The following MSRB3 variants were observed in gnomAD, a reference collection of about 807,000 sequenced individuals.
MSRB3 encodes the protein methionine sulfoxide reductase B3, also known as methionine-R-sulfoxide reductase B3.
MSRB3 carries 13 observed loss-of-function variants against 21.0 expected under a neutral mutation model. The ratio of observed to expected loss-of-function variants is 0.62; its 90% CI spans 0.40 to 0.98. The LOEUF is 0.98. MSRB3 is among the 50% of genes least tolerant of loss of function. MSRB3 has a pLI of 0.00. For missense variants in MSRB3, 199 were observed against 230.3 expected (o/e 0.86, Z 0.88); for synonymous variants, 87 against 88.6 (o/e 0.98, Z 0.10).
At chr12:65,361,493 T>C (rs1242053279) in intron 4 of MSRB3, among the ~76,000 whole-genome samples, 1 of 152,126 alleles carries the variant, frequency 6.6e-6, no homozygotes, top group East Asian at 1.9e-4. Context: ...TCCTCAGAGG[T>C]CAATTTGTGG....
rs1353093774 is a variant in MSRB3, at chr12:65,453,801, C to G, written c.366C>G (p.His122Gln). 5 of 1,613,906 alleles carry G rather than the reference C, an allele frequency of 3.1e-6. No individual in the cohort carries two copies. The highest frequency in any genetic ancestry group is 1.7e-5 in the Admixed American group (1 of 59,988). The change falls in exon 6 of 7, where the codon CAC becomes CAG. Residue 122 changes from histidine to glutamine, a missense_variant. By Grantham distance (24) the His-to-Gln change is conservative. Transcript: ENST00000308259. ...TFTDDFSYGM[H>Q]RVETSCSQCG... is the part of the protein sequence containing the mutation. ...CAGATGACTTTTCCTATGGGATGCACAGGGTGGAAACAAGCTGCTCTCAGG... is the reference window on the plus strand; with the variant it reads ...CAGATGACTTTTCCTATGGGATGCAGAGGGTGGAAACAAGCTGCTCTCAGG...
chr12:65,332,289 TGAG>T (rs1875475688), intron 4 of MSRB3, among the ~76,000 whole-genome samples: 1 of 147,196 alleles, frequency 6.8e-6, no homozygotes, highest in Non-Finnish European at 1.5e-5. Context: ...AGGAAACAAT[TGAG>T]GTGTGTGTGT....
chr12:65,365,362 G>A (rs1877948589), intron 4 of MSRB3, among the ~76,000 whole-genome samples: 1 of 152,106 alleles, frequency 6.6e-6, no homozygotes, highest in Non-Finnish European at 1.5e-5. Flanking sequence ...GAGCTTGTGA[G>A]GCAATGGGGG....
At chr12:65,454,781 A>T (rs960040838) in intron 6 of MSRB3, among the ~76,000 whole-genome samples, 1 of 152,228 alleles carries the variant, frequency 6.6e-6, no homozygotes, top group Non-Finnish European at 1.5e-5. Flanking sequence ...GCAAATGAGC[A>T]TGTGTTGAGG....
intron 6 of MSRB3, among the ~76,000 whole-genome samples, chr12:65,459,723 A>T (rs982981023): frequency 2.6e-5 from 4 of 152,206 alleles, no homozygotes; most frequent in Admixed American, 2.6e-4. Context: ...ACATCCTAGG[A>T]ATAGCTAGGA....
chr12:65,395,734 G>A (rs964646916), intron 5 of MSRB3, among the ~76,000 whole-genome samples: 24 of 152,066 alleles, frequency 1.6e-4, no homozygotes, highest in African/African-American at 5.6e-4. Flanking sequence ...GTGTGAGTTG[G>A]ATAGATTGTA....
At chr12:65,398,165 A>T (rs757670456) in intron 5 of MSRB3, among the ~76,000 whole-genome samples, 15 of 152,146 alleles carry the variant, frequency 9.9e-5, no homozygotes, top group Non-Finnish European at 1.5e-4. Context: ...CTGGTTCTAG[A>T]TCCTTGAGGA....
At chr12:65,391,329 T>C (rs1879470923) in intron 5 of MSRB3, among the ~76,000 whole-genome samples, 1 of 152,178 alleles carries the variant, frequency 6.6e-6, no homozygotes, top group South Asian at 2.1e-4. Context: ...TCAAACAGCC[T>C]TTAGTTAAAA....
At chr12:65,324,608 C>T (rs1410625720) in intron 2 of MSRB3, among the ~76,000 whole-genome samples, 3 of 152,062 alleles carry the variant, frequency 2.0e-5, no homozygotes, top group African/African-American at 2.4e-5. Context: ...TCAATACTGA[C>T]CAACGGTTTT....
intron 4 of MSRB3, among the ~76,000 whole-genome samples, chr12:65,337,430 C>CAAAA (rs780302211): frequency 1.1e-4 from 5 of 43,572 alleles, no homozygotes; most frequent in African/African-American, 2.5e-4. Context: ...GAGACTACAT[C>CAAAA]AAAAAAAAAA....
intron 2 of MSRB3, among the ~76,000 whole-genome samples, chr12:65,309,274 C>A (rs1324907819): frequency 6.6e-6 from 1 of 152,060 alleles, no homozygotes; most frequent in Non-Finnish European, 1.5e-5. Context: ...TTTATATGCG[C>A]CTGTATCATA....
chr12:65,326,616 C>T (rs1204149853), intron 2 of MSRB3, among the ~76,000 whole-genome samples: 1 of 152,190 alleles, frequency 6.6e-6, no homozygotes, highest in Admixed American at 6.5e-5. Context: ...ATTGTCACTG[C>T]TCCAGTGGAA....
At chr12:65,402,442 G>T (rs181321901) in intron 5 of MSRB3, among the ~76,000 whole-genome samples, 1 of 152,060 alleles carries the variant, frequency 6.6e-6, no homozygotes, top group African/African-American at 2.4e-5. Context: ...AAGTTCTTGC[G>T]CTGTGTTTTT....
At chr12:65,448,608 T>C (rs1241051448) in intron 5 of MSRB3, among the ~76,000 whole-genome samples, 1 of 152,218 alleles carries the variant, frequency 6.6e-6, no homozygotes, top group Non-Finnish European at 1.5e-5. Flanking sequence ...ATCTGTGCTG[T>C]CTAATATGGT....
At chr12:65,366,073 A>G (rs1484966123) in intron 4 of MSRB3, among the ~76,000 whole-genome samples, 1 of 152,176 alleles carries the variant, frequency 6.6e-6, no homozygotes, top group East Asian at 1.9e-4. Context: ...GATCTAGTCC[A>G]TGACAATCCA....
intron 4 of MSRB3, among the ~76,000 whole-genome samples, chr12:65,359,955 G>A (rs894187339): frequency 6.6e-6 from 1 of 152,080 alleles, no homozygotes; most frequent in East Asian, 1.9e-4. Flanking sequence ...GAATTTTATT[G>A]TCTCACAGTT....
At chr12:65,386,813 G>A (rs903321188) in intron 5 of MSRB3, among the ~76,000 whole-genome samples, 7 of 151,946 alleles carry the variant, frequency 4.6e-5, no homozygotes, top group African/African-American at 1.7e-4. Flanking sequence ...TACCATGTCT[G>A]GATACTTAGT....
intron 2 of MSRB3, 133 bp downstream of exon 2, chr12:65,308,788 T>G: frequency 1.3e-5 from 15 of 1,181,270 alleles, no homozygotes; most frequent in Non-Finnish European, 1.6e-5. Flanking sequence ...AAGACGGAAA[T>G]TGGTTATAAA....
chr12:65,359,318 T>G (rs983883022), intron 4 of MSRB3, among the ~76,000 whole-genome samples: 1 of 152,066 alleles, frequency 6.6e-6, no homozygotes, highest in Non-Finnish European at 1.5e-5. Context: ...TTTTTACAGC[T>G]TTAAACTTTT....
Sources: gnomAD v4.1 joint callset for allele counts (sites outside exome capture counted in the v4.1 genomes callset) on GRCh38, gnomAD v4.1.1 for gene constraint, MANE v1.5 for transcripts, NCBI Gene and HGNC (gene_info 2026-07-23, HGNC 2026-07-21) for gene names.